The following PDE1C variants were observed in gnomAD, a reference collection of about 807,000 sequenced individuals.
The protein encoded by PDE1C is phosphodiesterase 1C, also known as dual specificity calcium/calmodulin-dependent 3',5'-cyclic nucleotide phosphodiesterase 1C.
A neutral mutation model predicts 93.1 loss-of-function variants in PDE1C; 62 were observed. The observed-to-expected ratio is 0.67, with a 90% confidence interval of 0.54 to 0.82. PDE1C has a LOEUF of 0.82. PDE1C is among the 40% of genes least tolerant of loss of function. The pLI, the probability that PDE1C is intolerant of heterozygous loss-of-function variation, is 0.00. For missense variants in PDE1C, 742 were observed against 884.6 expected (o/e 0.84, Z 2.04); for synonymous variants, 325 against 310.1 (o/e 1.05, Z -0.50).
At chr7:31,641,274 C>T in the PDE1C span, among the ~76,000 whole-genome samples, 1 of 152,190 alleles carries the variant, frequency 6.6e-6, no homozygotes, top group Non-Finnish European at 1.5e-5. Flanking sequence ...GTACCAAATA[C>T]TCAAGCATTG....
At chr7:32,024,167 G>T (rs1163543278) in intron 2 of PDE1C, among the ~76,000 whole-genome samples, 2 of 151,906 alleles carry the variant, frequency 1.3e-5, no homozygotes, top group African/African-American at 4.8e-5. Context: ...CTGAGTGATA[G>T]TAAGGTCCAA....
At chr7:31,677,991 A>C in the PDE1C span, among the ~76,000 whole-genome samples, 1 of 152,134 alleles carries the variant, frequency 6.6e-6, no homozygotes, top group South Asian at 2.1e-4. Context: ...GTATAAATAA[A>C]AACTAGTTTG....
chr7:31,798,346 C>CA (rs1043379178), intron 16 of PDE1C, among the ~76,000 whole-genome samples: 2 of 151,526 alleles, frequency 1.3e-5, no homozygotes, highest in Non-Finnish European at 3.0e-5. Flanking sequence ...AGCTAATCAG[C>CA]AGCCTCTCTT....
chr7:32,298,163 T>C (rs747610967), intron 1 of PDE1C, among the ~76,000 whole-genome samples: 5 of 151,374 alleles, frequency 3.3e-5, no homozygotes, highest in Non-Finnish European at 5.9e-5. Flanking sequence ...TAGTCTGTCT[T>C]GACGTCCGCC....
At chr7:31,804,306 T>G (rs1365766116) in intron 16 of PDE1C, among the ~76,000 whole-genome samples, 1 of 151,870 alleles carries the variant, frequency 6.6e-6, no homozygotes, top group Admixed American at 6.6e-5. Flanking sequence ...TAATTTTCTT[T>G]AAATAATGAG....
At chr7:32,112,435 T>G (rs1284865896) in intron 3 of PDE1C, among the ~76,000 whole-genome samples, 2 of 152,108 alleles carry the variant, frequency 1.3e-5, no homozygotes, top group Admixed American at 1.3e-4. Flanking sequence ...CCTGACCAAT[T>G]TTAAAAACCT....
chr7:31,772,604 C>T (rs1038610725), intron 17 of PDE1C, among the ~76,000 whole-genome samples: 9 of 151,628 alleles, frequency 5.9e-5, no homozygotes, highest in South Asian at 4.2e-4. Flanking sequence ...CCTACCTTGG[C>T]GTGTGTTTGA....
rs34543961 is a variant in PDE1C, at chr7:32,327,769, C to CAAAAAAA, written c.310+100046_310+100052dup. Among the ~76,000 whole-genome samples, 3 of 104,802 alleles carry CAAAAAAA rather than the reference C, an allele frequency of 2.9e-5. No individual in the cohort carries two copies. The South Asian group carries it at 1.0e-3, about 36-fold the overall frequency. 68.8% of individuals were successfully genotyped at this position (104,802 alleles called of 152,430 possible). ...TGGGCAACAGCGCTAGACTCTGTCT[C>CAAAAAAA]AAAAAAAAAAAAAAAAAAAAAGAGA... is the stretch of plus-strand genomic sequence containing the variant. On this transcript the variant is annotated intron_variant, in intron 1 of 1. Coordinates refer to the PDE1C transcript ENST00000672256.
chr7:32,033,398 A>T (rs935162644), intron 2 of PDE1C, among the ~76,000 whole-genome samples: 2 of 152,084 alleles, frequency 1.3e-5, no homozygotes, highest in African/African-American at 4.8e-5. Context: ...ATTTCATGCC[A>T]CTCTGAGCAT....
rs538051479 is a variant in PDE1C, at chr7:32,257,358, C to T, written c.85+41293G>A. Among the ~76,000 whole-genome samples, 323 of 152,250 alleles carry T rather than the reference C, an allele frequency of 2.1e-3. 1 individual carries two copies. Among genetic ancestry groups the T allele is most frequent in the Non-Finnish European group, 3.5e-3 (240 of 68,020 alleles). On this transcript the variant is annotated intron_variant, in intron 1 of 18. Coordinates refer to the PDE1C transcript ENST00000396193. The stretch of plus-strand genomic sequence containing the variant: ...GCCTGTCCTTGGAACAGAGCAAAGG[C>T]GCAATGAAGACTAACTGATGTTTAA...
intron 1 of PDE1C, among the ~76,000 whole-genome samples, chr7:32,063,165 T>A (rs1584662515): frequency 6.6e-6 from 1 of 152,272 alleles, no homozygotes; most frequent in Admixed American, 6.5e-5. Context: ...GAAACTCCGA[T>A]GATGGTCATT....
intron 2 of PDE1C, among the ~76,000 whole-genome samples, chr7:32,202,716 T>C (rs12536286): frequency 0.08 from 12,117 of 152,158 alleles, 753 homozygotes; most frequent in East Asian, 0.35. Context: ...CATGGATGTG[T>C]CACAGGTCAC....
chr7:31,972,530 C>T (rs986919325), intron 2 of PDE1C, among the ~76,000 whole-genome samples: 3 of 152,182 alleles, frequency 2.0e-5, no homozygotes, highest in Non-Finnish European at 4.4e-5. Flanking sequence ...AGCTACAATT[C>T]TGAGGGCTCG....
intron 2 of PDE1C, among the ~76,000 whole-genome samples, chr7:31,963,318 C>A (rs1040916545): frequency 6.6e-6 from 1 of 152,146 alleles, no homozygotes; most frequent in South Asian, 2.1e-4. Flanking sequence ...GATTATTTTG[C>A]TCAGCAAATA....
intron 2 of PDE1C, among the ~76,000 whole-genome samples, chr7:31,933,598 C>A (rs1804622941): frequency 6.6e-6 from 1 of 152,202 alleles, no homozygotes; most frequent in Non-Finnish European, 1.5e-5. Context: ...CCCTGCCCAG[C>A]TCTCATGTTG....
intron 2 of PDE1C, among the ~76,000 whole-genome samples, chr7:31,933,026 G>A (rs190326616): frequency 2.0e-4 from 30 of 152,064 alleles, no homozygotes; most frequent in Admixed American, 1.2e-3. Context: ...GAGAATGAAC[G>A]GGCACAGGGA....
intron 2 of PDE1C, among the ~76,000 whole-genome samples, chr7:31,986,336 C>A (rs969401808): frequency 1.3e-5 from 2 of 152,110 alleles, no homozygotes; most frequent in Admixed American, 1.3e-4. Context: ...CTTGTAAAGA[C>A]ACCAGTCATT....
At chr7:32,185,716 G>C (rs1803806593) in intron 2 of PDE1C, among the ~76,000 whole-genome samples, 1 of 151,874 alleles carries the variant, frequency 6.6e-6, no homozygotes, top group Non-Finnish European at 1.5e-5. Context: ...CTACTTTCTA[G>C]AGCTCTTCTT....
At chr7:32,109,442 G>T (rs1292346612) in intron 3 of PDE1C, among the ~76,000 whole-genome samples, 1 of 152,094 alleles carries the variant, frequency 6.6e-6, no homozygotes, top group East Asian at 1.9e-4. Flanking sequence ...TCTGAATCAG[G>T]ATTTCTCAGC....
Sources: allele counts gnomAD v4.1 joint callset (sites outside exome capture counted in the v4.1 genomes callset), GRCh38; gene constraint gnomAD v4.1.1; transcripts MANE v1.5; gene names NCBI Gene and HGNC (gene_info 2026-07-23, HGNC 2026-07-21).